Variants in CHD2 observed in about 807,000 individuals in gnomAD.
CHD2 encodes the protein chromodomain helicase DNA binding protein 2, also known as ATP-dependent chromatin remodeler CHD2.
CHD2 carries 28 observed loss-of-function variants against 243.9 expected under a neutral mutation model. That is an observed-to-expected ratio of 0.11 (90% CI 0.09 to 0.16). CHD2 has a LOEUF of 0.16. Ranked by LOEUF, CHD2 falls within the 10% of genes least tolerant of loss-of-function variation. The pLI is 1.00. For synonymous variants in CHD2, 775 were observed against 779.0 expected (o/e 0.99, Z 0.09); for missense variants, 1,386 against 2,209.8 (o/e 0.63, Z 7.47).
Position 93,014,578 on chromosome 15 carries a change from G to T in CHD2, c.4693-118G>T, listed in dbSNP as rs533738705. On this transcript the variant is annotated intron_variant, in intron 36 of 38. Transcript: ENST00000394196. ...TTTTTTTTGTTAGGAGGTAGTAAACGCCAGTTCAGAAGTTTAAGAAGGACA... is the reference window on the plus strand; with the variant it reads ...TTTTTTTTGTTAGGAGGTAGTAAACTCCAGTTCAGAAGTTTAAGAAGGACA... 108 of 840,272 alleles carry T rather than the reference G, an allele frequency of 1.3e-4. No homozygotes were observed. The African/African-American group carries it at 1.5e-3, about 12-fold the overall frequency. The allele number at this position is 840,272 out of a possible 1,614,324, so 52.1% of individuals were successfully genotyped here.
rs762370978 is a variant in CHD2, at chr15:92,939,714, G to A, written c.688G>A (p.Val230Ile). ...RQTRRRAAKN[V>I]SYKEDDDFET... is the part of the protein sequence containing the mutation. ...GACTCGTCGAAGAGCGGCTAAAAAC[G>A]TTAGGTAAGTTGTACCCCAGAAGTG... Residue 230 changes from valine (V) to isoleucine (I), a missense_variant, in exon 7 of 39, where the codon GTT (valine) becomes ATT (isoleucine). Around this residue, in one of 19 missense-constraint regions of CHD2, gnomAD observed 200 missense variants for 292.5 expected, o/e 0.68. Transcript: ENST00000394196. 1.1e-5 allele frequency: 18 copies of A among 1,613,148 alleles called. No homozygotes were observed. The highest frequency in any genetic ancestry group is 6.6e-5 in the South Asian group (6 of 91,024).
chr15:92,980,249 C>T (rs1340556960), intron 22 of CHD2, among the ~76,000 whole-genome samples: 1 of 132,262 alleles, frequency 7.6e-6, no homozygotes, highest in African/African-American at 2.8e-5. Context: ...TTAGTAGAGA[C>T]AGGGTTTTTC....
chr15:92,981,096 G>A (rs577171850), intron 23 of CHD2, among the ~76,000 whole-genome samples, 185 bp downstream of exon 23: 40 of 152,258 alleles, frequency 2.6e-4, no homozygotes, highest in African/African-American at 9.1e-4. Context: ...AATTAATAAA[G>A]CATTCGAGTA....
In CHD2 at chr15:93,019,708, C is replaced by T. The variant is rs565057193; in HGVS notation, c.4907-304C>T. On this transcript the variant is annotated intron_variant, in intron 37 of 38. Coordinates refer to ENST00000394196, the MANE Select transcript of CHD2 (RefSeq NM_001271.4). ...CAGCACCTTGGGAAGCTGAGGCGGG[C>T]GGATCACCTGAGGTCAGGAGTTTGA... Among the ~76,000 whole-genome samples, 245 of 152,072 alleles carry T rather than the reference C, an allele frequency of 1.6e-3. 6 individuals carry two copies. The South Asian group carries it at 0.039, about 24-fold the overall frequency.
chr15:92,946,095 G>C lies in CHD2; in HGVS notation c.1256G>C (p.Gly419Ala). ...CCCGAATATCTATGTAAATGGATGG[G>C]ACTCCCCTATTCAGAGTGTAGCTGG... is the stretch of plus-strand genomic sequence containing the variant. ...NEPEYLCKWM[G>A]LPYSECSWED... Residue 419 changes from glycine (G) to alanine (A), a missense_variant, in exon 12 of 39, where the codon GGA (glycine) becomes GCA (alanine). By Grantham distance (60) the Gly-to-Ala change is moderately conservative. Coordinates refer to ENST00000394196, the MANE Select transcript of CHD2 (RefSeq NM_001271.4). The C allele has an allele frequency of 6.2e-7, 1 of 1,611,836 alleles. No individual in the cohort carries two copies. Among genetic ancestry groups the C allele is most frequent in the Non-Finnish European group, 8.5e-7 (1 of 1,178,544 alleles).
intron 2 of CHD2, among the ~76,000 whole-genome samples, chr15:92,907,445 T>A (rs184382215): frequency 1.8e-3 from 280 of 152,330 alleles, no homozygotes; most frequent in Non-Finnish European, 3.0e-3. Flanking sequence ...AGCATCCGGC[T>A]AAGGCAGGAT....
chr15:92,942,094 T>G (rs1449824820), intron 8 of CHD2, 139 bp downstream of exon 8: 5 of 774,996 alleles, frequency 6.5e-6, no homozygotes, highest in African/African-American at 1.8e-5. Context: ...TGACCCAGTG[T>G]TTCAGAGCTG....
chr15:92,960,694 A>T (rs1596410112), intron 16 of CHD2, among the ~76,000 whole-genome samples: 1 of 84,296 alleles, frequency 1.2e-5, no homozygotes, highest in South Asian at 3.8e-4. Flanking sequence ...AGATTTTTGC[A>T]TCTGTTTGGT....
At chr15:93,024,237 A>C (rs2054566891) in intron 38 of CHD2, 135 bp from the exon 39 acceptor site, 1 of 760,978 alleles carries the variant, frequency 1.3e-6, no homozygotes, top group African/African-American at 1.8e-5. Context: ...TCTGTTATTA[A>C]TTTTTTTGAT....
chr15:93,007,878 C>T (rs12909677), intron 34 of CHD2, among the ~76,000 whole-genome samples: 66,016 of 152,036 alleles, frequency 0.43, 15,146 homozygotes, highest in East Asian at 0.84. Flanking sequence ...TTTCCTCCAC[C>T]GCTCTCGAAT....
intron 15 of CHD2, 53 bp downstream of exon 15, chr15:92,955,565 A>G (rs781056962): frequency 1.3e-5 from 15 of 1,168,080 alleles, no homozygotes; most frequent in Non-Finnish European, 1.8e-5. Flanking sequence ...ACTTGTCCAG[A>G]TGGTAGGGTC....
chr15:92,987,723 A>T (rs1359826984), intron 26 of CHD2, among the ~76,000 whole-genome samples: 2 of 151,576 alleles, frequency 1.3e-5, no homozygotes, highest in East Asian at 3.8e-4. Flanking sequence ...TGCAGTTATT[A>T]TAAAGTAGGA....
chr15:92,922,875 T>C (rs953888829), intron 2 of CHD2, among the ~76,000 whole-genome samples: 1 of 152,216 alleles, frequency 6.6e-6, no homozygotes, highest in African/African-American at 2.4e-5. Context: ...TTCTCTGTGC[T>C]TGAGATTGAT....
intron 5 of CHD2, among the ~76,000 whole-genome samples, chr15:92,929,522 T>A (rs559397068): frequency 6.6e-6 from 1 of 152,336 alleles, no homozygotes; most frequent in Non-Finnish European, 1.5e-5. Context: ...TATTGTTGTT[T>A]CTGTATAATT....
intron 6 of CHD2, among the ~76,000 whole-genome samples, 167 bp downstream of exon 6, chr15:92,937,792 C>T (rs886093392): frequency 8.5e-5 from 13 of 152,242 alleles, no homozygotes; most frequent in Admixed American, 7.9e-4. Context: ...GCAGGTCTTA[C>T]TGCTTCTTTC....
At chr15:92,941,486 G>A (rs1468825975) in intron 7 of CHD2, among the ~76,000 whole-genome samples, 1 of 151,308 alleles carries the variant, frequency 6.6e-6, no homozygotes, top group Non-Finnish European at 1.5e-5. Context: ...TTCTTTTTTT[G>A]TGTGGTAGTC....
chr15:93,015,934 A>C (rs1019827113), intron 37 of CHD2, among the ~76,000 whole-genome samples: 7 of 152,232 alleles, frequency 4.6e-5, no homozygotes, highest in African/African-American at 1.7e-4. Context: ...GCCATTATGG[A>C]AAACAATGCA....
At chr15:92,979,329 T>C (rs1322996750) in intron 22 of CHD2, 46 bp downstream of exon 22, 1 of 1,598,788 alleles carries the variant, frequency 6.3e-7, no homozygotes, top group African/African-American at 1.3e-5. Context: ...AAATTGATTC[T>C]ACATCACTGT....
chr15:93,015,123 G>T (rs1167845795), intron 37 of CHD2, among the ~76,000 whole-genome samples: 1 of 152,026 alleles, frequency 6.6e-6, no homozygotes, highest in Non-Finnish European at 1.5e-5. Context: ...CTGTCACCCA[G>T]GCTGGAGTGC....
Sources: gnomAD v4.1 joint callset for allele counts (sites outside exome capture counted in the v4.1 genomes callset) on GRCh38, gnomAD v4.1.1 for gene constraint, gnomAD v4.1.1 regional missense constraint, MANE v1.5 for transcripts, NCBI Gene and HGNC (gene_info 2026-07-23, HGNC 2026-07-21) for gene names.